The following ZNF444 variants were observed in gnomAD, a reference collection of about 807,000 sequenced individuals.
The protein encoded by ZNF444 is endothelial zinc finger protein 2.
ZNF444 carries 8 observed loss-of-function variants against 14.4 expected under a neutral mutation model. The ratio of observed to expected loss-of-function variants is 0.56; its 90% confidence interval spans 0.33 to 1.00. The LOEUF is 1.00. Among genes scored for constraint, ZNF444 ranks in the 50% least tolerant of loss-of-function variants. ZNF444 has a pLI of 0.03. For synonymous variants in ZNF444, 258 were observed against 235.9 expected (o/e 1.09, Z -0.86); for missense variants, 510 against 504.8 (o/e 1.01, Z -0.10).
chr19:56,137,584 A>T (rs2123454182), upstream of ZNF444, among the ~76,000 whole-genome samples: 1 of 152,312 alleles, frequency 6.6e-6, no homozygotes, highest in South Asian at 2.1e-4. Flanking sequence ...ACATGCAGGC[A>T]CCTGGCCAAC....
intron 1 of ZNF444, among the ~76,000 whole-genome samples, chr19:56,133,143 G>A (rs2030527082): frequency 6.6e-6 from 1 of 151,784 alleles, no homozygotes; most frequent in Non-Finnish European, 1.5e-5. Context: ...TCACCATGTT[G>A]GCCAGACTGG....
At chr19:56,146,695 A>G (rs1049870581) in intron 2 of ZNF444, among the ~76,000 whole-genome samples, 195 bp from the exon 3 acceptor site, 4 of 152,194 alleles carry the variant, frequency 2.6e-5, no homozygotes, top group Non-Finnish European at 4.4e-5. Context: ...AAGCCAAGGC[A>G]GGAGAATCGC....
chr19:56,149,910 G>C (rs527817517), intron 3 of ZNF444: 1 of 156,160 alleles, frequency 6.4e-6, no homozygotes, highest in South Asian at 2.0e-4. Flanking sequence ...TAGTTCAGGA[G>C]AGTTTCCCCA....
intron 1 of ZNF444, among the ~76,000 whole-genome samples, chr19:56,133,066 T>C (rs2030524574): frequency 6.6e-6 from 1 of 150,806 alleles, no homozygotes; most frequent in African/African-American, 2.4e-5. Context: ...GCCTCCCAAG[T>C]AGCTGGGATT....
At chr19:56,139,650 C>T (rs1468075976), upstream of ZNF444, among the ~76,000 whole-genome samples, 1 of 151,086 alleles carries the variant, frequency 6.6e-6, no homozygotes, top group Admixed American at 6.6e-5. Flanking sequence ...CGCACCACTG[C>T]ACTCCAGCCT....
rs1178279647 is a variant in ZNF444, at chr19:56,160,438, G to A, written c.*237G>A. Reference sequence around the variant, plus strand: ...GCCCCCCCCTTCTCCCTGATTTCTCGGCCTCTCTCTCTGTGTGAAGGGGCC... The same window carrying A: ...GCCCCCCCCTTCTCCCTGATTTCTCAGCCTCTCTCTCTGTGTGAAGGGGCC... On this transcript the variant is annotated 3_prime_UTR_variant, in exon 5 of 5. Transcript: ENST00000337080. 2 of 473,398 alleles carry A rather than the reference G, an allele frequency of 4.2e-6. No homozygotes were observed. Among genetic ancestry groups the A allele is most frequent in the Non-Finnish European group, 7.4e-6 (2 of 271,118 alleles). 29.3% of individuals were successfully genotyped at this position (473,398 alleles called of 1,614,324 possible). A position where few individuals can be genotyped will look rare whatever the true frequency, so the allele number is the denominator to read the frequency against.
rs1400670682 is a variant in ZNF444 at position 56,159,703 on chromosome 19, C to A, written c.486C>A (p.Ser162Arg). Reference sequence around the variant, plus strand: ...GCCCCTACAAGCAGGAGCCCAGCAGCCCCCCGCTGGCGCCTGGCCTGCCCG... The same window carrying A: ...GCCCCTACAAGCAGGAGCCCAGCAGACCCCCGCTGGCGCCTGGCCTGCCCG... Reference protein sequence around the residue: ...AVRPYKQEPSSPPLAPGLPAF... With the variant: ...AVRPYKQEPSRPPLAPGLPAF... The change falls in exon 5 of 5, where the codon AGC becomes AGA. Residue 162 changes from serine to arginine, a missense_variant. Transcript: ENST00000337080. 2 of 1,548,058 alleles carry A rather than the reference C, an allele frequency of 1.3e-6. No individual in the cohort carries two copies. The highest frequency in any genetic ancestry group is 1.2e-5 in the South Asian group (1 of 84,586).
intron 3 of ZNF444, 99 bp from the exon 4 acceptor site, chr19:56,158,395 C>T (rs1254392074): frequency 4.4e-6 from 5 of 1,135,466 alleles, no homozygotes; most frequent in African/African-American, 1.6e-5. Context: ...TTCCTCCCAG[C>T]AGGGATGGGA....
intron 2 of ZNF444, among the ~76,000 whole-genome samples, 158 bp from the exon 3 acceptor site, chr19:56,146,732 A>T (rs2031206826): frequency 6.6e-6 from 1 of 152,274 alleles, no homozygotes; most frequent in South Asian, 2.1e-4. Flanking sequence ...AGGTTGCAGT[A>T]AGCTGAGATC....
chr19:56,150,698 G>A (rs2031523080), intron 3 of ZNF444, among the ~76,000 whole-genome samples: 1 of 152,244 alleles, frequency 6.6e-6, no homozygotes, highest in South Asian at 2.1e-4. Flanking sequence ...CTGGGCGATA[G>A]CCATTGTAGC....
Position 56,147,239 on chromosome 19 carries a change from G to A in ZNF444, c.297+31G>A. 1.4e-6 allele frequency: 2 copies of A among 1,403,982 alleles called. No individual in the cohort carries two copies. Among genetic ancestry groups the A allele is most frequent in the Non-Finnish European group, 1.8e-6 (2 of 1,084,752 alleles). The allele number at this position is 1,403,982 out of a possible 1,614,324, so 87.0% of individuals were successfully genotyped here. A position where few individuals can be genotyped will look rare whatever the true frequency, so the allele number is the denominator to read the frequency against. Reference sequence around the variant, plus strand: ...CCTGGCGGGACTGCAAGCGGGGAAGGGAGAGGGGAAGGTGCCAGGGAAGCC... The same window carrying A: ...CCTGGCGGGACTGCAAGCGGGGAAGAGAGAGGGGAAGGTGCCAGGGAAGCC... On this transcript the variant is annotated intron_variant, in intron 3 of 4. Coordinates refer to ENST00000337080, the MANE Select transcript of ZNF444 (RefSeq NM_018337.4). The surrounding 1 kb of genome is among the most constrained non-coding windows in gnomAD (Gnocchi z 5.9).
intron 3 of ZNF444, chr19:56,154,675 C>T (rs899597933): frequency 6.7e-6 from 1 of 149,902 alleles, no homozygotes; most frequent in Non-Finnish European, 1.5e-5. Flanking sequence ...AACAGAACAT[C>T]GGCAGCTTGA....
intron 1 of ZNF444, chr19:56,141,745 G>C (rs897189878): frequency 1.7e-4 from 26 of 150,822 alleles, no homozygotes; most frequent in Admixed American, 1.6e-3. Flanking sequence ...GTGGGAAGCT[G>C]GACCCTACAA....
rs370843874 is a variant in ZNF444, at chr19:56,160,224, T to G, written c.*23T>G. 1.7e-4 allele frequency: 236 copies of G among 1,415,454 alleles called. No individual in the cohort carries two copies. The African/African-American group carries it at 3.2e-3, about 19-fold the overall frequency. The allele number at this position is 1,415,454 out of a possible 1,614,324, so 87.7% of individuals were successfully genotyped here. Reference sequence around the variant, plus strand: ...TAGCCGCCTCCCGGCCAGCGCCATCTCCCGCCCTTGGTGCTGCCCCCGGGC... The same window carrying G: ...TAGCCGCCTCCCGGCCAGCGCCATCGCCCGCCCTTGGTGCTGCCCCCGGGC... On this transcript the variant is annotated 3_prime_UTR_variant, in exon 5 of 5. Transcript: ENST00000337080.
intron 3 of ZNF444, among the ~76,000 whole-genome samples, chr19:56,153,129 G>C (rs569745838): frequency 6.6e-6 from 1 of 152,280 alleles, no homozygotes; most frequent in African/African-American, 2.4e-5. Flanking sequence ...TCATCCAGGA[G>C]GGGGCAGGCT....
intron 4 of ZNF444, among the ~76,000 whole-genome samples, chr19:56,159,290 C>G (rs887033558): frequency 6.6e-6 from 1 of 151,792 alleles, no homozygotes; most frequent in Non-Finnish European, 1.5e-5. Context: ...CCCACGCATT[C>G]TTCATCTACC....
At chr19:56,148,892 A>T (rs1270638141) in intron 3 of ZNF444, among the ~76,000 whole-genome samples, 2 of 152,090 alleles carry the variant, frequency 1.3e-5, no homozygotes, top group African/African-American at 4.8e-5. Context: ...TCATCTGCAG[A>T]GCCACGTCCC....
In ZNF444 at chr19:56,144,932, C is replaced by T. The variant is rs570816695; in HGVS notation, c.-196-1315C>T. On this transcript the variant is annotated intron_variant, in intron 1 of 4. Transcript: ENST00000337080. This position sits in a 1 kb window ranked among gnomAD's most constrained non-coding sequence, Gnocchi z 4.0. ...TTCCAGTGTCCTTGAGGTCAGGGGC[C>T]GGCAGTCTTGTCCTGTAAAGAGCCA... Among the ~76,000 whole-genome samples the T allele has an allele frequency of 1.3e-5, 2 of 152,320 alleles. No individual in the cohort carries two copies. Among genetic ancestry groups the T allele is most frequent in the Non-Finnish European group, 2.9e-5 (2 of 68,030 alleles).
In ZNF444 at chr19:56,158,561, G is replaced by C; in HGVS notation, c.365G>C (p.Gly122Ala). ...RVPQDVTQGP[G>A]ATGGKEDSGM... ...CCTCAGGATGTGACGCAGGGCCCTG[G>C]GGCCACAGGTGGAAAGGAGGACAGT... is the stretch of plus-strand genomic sequence containing the variant. Residue 122 changes from glycine (G) to alanine (A), a missense_variant, in exon 4 of 5, where the codon GGG becomes GCG. By Grantham distance (60) the Gly-to-Ala change is moderately conservative. Transcript: ENST00000337080. The C allele has an allele frequency of 6.2e-7, 1 of 1,611,998 alleles. No homozygotes were observed. The highest frequency in any genetic ancestry group is 1.1e-5 in the South Asian group (1 of 90,754).
Sources: gnomAD v4.1 joint callset for allele counts (sites outside exome capture counted in the v4.1 genomes callset) on GRCh38, gnomAD v4.1.1 for gene constraint, Gnocchi (gnomAD v3.1) non-coding constraint, MANE v1.5 for transcripts, NCBI Gene and HGNC (gene_info 2026-07-23, HGNC 2026-07-21) for gene names.